PDE6C: variants seen among roughly 807,000 people sequenced by gnomAD.
PDE6C encodes cone cGMP-specific 3',5'-cyclic phosphodiesterase subunit alpha'.
A neutral mutation model predicts 113.1 loss-of-function variants in PDE6C; 75 were observed. The ratio of observed to expected loss-of-function variants is 0.66; its 90% CI spans 0.55 to 0.80. The LOEUF is 0.80. Among genes scored for constraint, PDE6C ranks in the 30% least tolerant of loss-of-function variants. The pLI is 0.00. For missense variants in PDE6C, 912 were observed against 1,038.6 expected (o/e 0.88, Z 1.67); for synonymous variants, 375 against 363.7 (o/e 1.03, Z -0.35).
chr10:93,614,978 T>C (rs569571736), intron 1 of PDE6C, among the ~76,000 whole-genome samples: 1 of 152,338 alleles, frequency 6.6e-6, no homozygotes, highest in East Asian at 1.9e-4. Context: ...GAGTGGGGAT[T>C]CCAACTCTGG....
At chr10:93,626,246 A>C (rs1017953326) in intron 5 of PDE6C, among the ~76,000 whole-genome samples, 1 of 152,194 alleles carries the variant, frequency 6.6e-6, no homozygotes, top group African/African-American at 2.4e-5. Context: ...TGTAAAACTG[A>C]CTACAGTTAA....
At chr10:93,649,089 T>C (rs1382255801) in intron 15 of PDE6C, among the ~76,000 whole-genome samples, 1 of 152,192 alleles carries the variant, frequency 6.6e-6, no homozygotes, top group Admixed American at 6.5e-5. Flanking sequence ...AAGCCATTTC[T>C]ACCTGTTTGG....
intron 4 of PDE6C, 100 bp downstream of exon 4, chr10:93,622,172 A>G (rs2058449903): frequency 3.5e-6 from 4 of 1,151,348 alleles, no homozygotes; most frequent in East Asian, 2.3e-5. Context: ...TATGTAAATA[A>G]TTAGTCATGA....
At chr10:93,649,959 T>C (rs1020040907) in intron 15 of PDE6C, among the ~76,000 whole-genome samples, 4 of 152,230 alleles carry the variant, frequency 2.6e-5, no homozygotes, top group Non-Finnish European at 5.9e-5. Flanking sequence ...TTTATATACC[T>C]GGGAAACCAG....
chr10:93,640,363 C>G, intron 12 of PDE6C, 87 bp from the exon 13 acceptor site: 2 of 1,257,780 alleles, frequency 1.6e-6, no homozygotes, highest in Non-Finnish European at 2.3e-6. Flanking sequence ...TCTACAAGAC[C>G]AACACATCTT....
chr10:93,643,944 G>A (rs2058571307), intron 14 of PDE6C, among the ~76,000 whole-genome samples: 1 of 152,044 alleles, frequency 6.6e-6, no homozygotes, highest in African/African-American at 2.4e-5. Context: ...ATCTAATCAA[G>A]GAGCACACTT....
chr10:93,659,027 A>G lies in PDE6C; in HGVS notation c.2144+19A>G. 6.5e-7 allele frequency: 1 copy of G among 1,549,722 alleles called. No individual in the cohort carries two copies. The highest frequency in any genetic ancestry group is 1.4e-5 in the African/African-American group (1 of 73,584). ...TTATCATGTAGGTAGTTGAAATTGT[A>G]TTTCTCTCTTGTTTTTTGTAAAAAT... On this transcript the variant is annotated intron_variant, in intron 17 of 21. Transcript: ENST00000371447.
intron 15 of PDE6C, among the ~76,000 whole-genome samples, chr10:93,651,079 C>A (rs977246992): frequency 1.3e-5 from 2 of 152,140 alleles, no homozygotes; most frequent in Admixed American, 6.6e-5. Context: ...GAATTCTACT[C>A]GCTCTATGGA....
intron 3 of PDE6C, 109 bp from the exon 4 acceptor site, chr10:93,621,823 G>A: frequency 1.0e-6 from 1 of 988,812 alleles, no homozygotes; most frequent in Non-Finnish European, 1.6e-6. Context: ...ACTTTCCAAT[G>A]ATATGCATTT....
chr10:93,631,578 A>G (rs771932562), intron 8 of PDE6C, among the ~76,000 whole-genome samples: 12 of 151,312 alleles, frequency 7.9e-5, no homozygotes, highest in East Asian at 1.9e-4. Flanking sequence ...TGTCTCTCTC[A>G]GCACCCCCAG....
intron 11 of PDE6C, among the ~76,000 whole-genome samples, chr10:93,637,493 G>C (rs1147643): frequency 0.94 from 143,304 of 152,272 alleles, 68,088 homozygotes; most frequent in East Asian, 1. Flanking sequence ...CCATTCTTTC[G>C]TGTTGTTGCC....
At chr10:93,660,240 G>A (rs950724871) in intron 18 of PDE6C, among the ~76,000 whole-genome samples, 5 of 152,146 alleles carry the variant, frequency 3.3e-5, no homozygotes, top group Non-Finnish European at 5.9e-5. Context: ...AAGCGTACAC[G>A]TTTATTTGTT....
chr10:93,663,760 G>A (rs887048220), intron 21 of PDE6C, among the ~76,000 whole-genome samples: 1 of 152,098 alleles, frequency 6.6e-6, no homozygotes, highest in Non-Finnish European at 1.5e-5. Context: ...TATTCCTAAA[G>A]TCACTTTGTC....
intron 4 of PDE6C, 125 bp downstream of exon 4, chr10:93,622,197 A>G (rs1796725332): frequency 9.6e-7 from 1 of 1,042,302 alleles, no homozygotes; most frequent in African/African-American, 1.6e-5. Context: ...TGACAAGAAC[A>G]GAGGTAAAAG....
rs570745944 is a variant in PDE6C at position 93,640,641 on chromosome 10, T to C, written c.1737+84T>C. On this transcript the variant is annotated intron_variant, in intron 13 of 21. Coordinates refer to ENST00000371447, the MANE Select transcript of PDE6C (RefSeq NM_006204.4). ...GAGAAATAGGTATGGTCCATCATTT[T>C]AGATCAGTAATTTAAAAATTCAGGG... The C allele has an allele frequency of 2.0e-5, 20 of 1,006,450 alleles. No individual in the cohort carries two copies. The East Asian group carries it at 4.5e-4, about 23-fold the overall frequency. 62.3% of individuals were successfully genotyped at this position (1,006,450 alleles called of 1,614,324 possible). A position where few individuals can be genotyped will look rare whatever the true frequency, so the allele number is the denominator to read the frequency against.
At chr10:93,661,279 C>A (rs1361385581) in intron 18 of PDE6C, among the ~76,000 whole-genome samples, 3 of 152,200 alleles carry the variant, frequency 2.0e-5, no homozygotes, top group Non-Finnish European at 4.4e-5. Flanking sequence ...ACACTCTAAG[C>A]CTGCACTCAC....
At chr10:93,622,779 A>T (rs1336228698) in intron 4 of PDE6C, among the ~76,000 whole-genome samples, 1 of 151,884 alleles carries the variant, frequency 6.6e-6, no homozygotes, top group Non-Finnish European at 1.5e-5. Flanking sequence ...TATGCATTTA[A>T]GTTTCCTCCA....
chr10:93,632,749 C>A (rs112534447), intron 8 of PDE6C, among the ~76,000 whole-genome samples: 4,095 of 152,280 alleles, frequency 0.027, 85 homozygotes, highest in East Asian at 0.095. Context: ...GCTTTGCAAG[C>A]ACTATGCACT....
chr10:93,662,642 A>T lies in PDE6C; in HGVS notation c.2366A>T (p.Lys789Met). The change falls in exon 20 of 22, where the codon AAG (lysine) becomes ATG (methionine). Residue 789 changes from lysine to methionine, a missense_variant and splice_region_variant. Transcript: ENST00000371447. Reference protein sequence around the residue: ...FIDFVCTFVYKEFSRFHKEIT... With the variant: ...FIDFVCTFVYMEFSRFHKEIT... ...GATTTTGTTTGTACTTTTGTATATA[A>T]GGTAAGTAAGCAAATTATTTGAATT... 1 of 1,223,746 alleles carries T rather than the reference A, an allele frequency of 8.2e-7. No homozygotes were observed. The highest frequency in any genetic ancestry group is 1.2e-6 in the Non-Finnish European group (1 of 824,356). The allele number at this position is 1,223,746 out of a possible 1,614,324, so 75.8% of individuals were successfully genotyped here.
Sources: gnomAD v4.1 joint callset for allele counts (sites outside exome capture counted in the v4.1 genomes callset) on GRCh38, gnomAD v4.1.1 for gene constraint, MANE v1.5 for transcripts, NCBI Gene and HGNC (gene_info 2026-07-23, HGNC 2026-07-21) for gene names.